Variants in CTNNA3 observed in about 807,000 individuals in gnomAD.
CTNNA3 encodes the protein catenin alpha-3.
CTNNA3 carries 76 observed loss-of-function variants against 95.7 expected under a neutral mutation model. That is an observed-to-expected ratio of 0.79 (90% CI 0.66 to 0.96). The LOEUF (loss-of-function observed/expected upper bound fraction) is 0.96. Ranked by LOEUF, CTNNA3 falls within the 40% of genes least tolerant of loss-of-function variation. The probability of loss-of-function intolerance (pLI) is 0.00; values close to 1 mark genes in which losing one functional copy is unlikely to be tolerated. For synonymous variants in CTNNA3, 431 were observed against 374.4 expected, an observed-to-expected ratio of 1.15 and a Z score of -1.74; for missense variants, 1,191 against 1,089.8, an observed-to-expected ratio of 1.09 and a Z score of -1.31.
At chr10:67,662,339 C>G (rs1840213055) in intron 1 of CTNNA3, among the ~76,000 whole-genome samples, 1 of 152,182 alleles carries the variant, frequency 6.6e-6, no homozygotes, top group South Asian at 2.1e-4. Context: ...CTCACTCATT[C>G]TCTCTCGCAA....
chr10:66,711,641 C>T (rs1392380632), intron 9 of CTNNA3, among the ~76,000 whole-genome samples: 4 of 151,952 alleles, frequency 2.6e-5, no homozygotes, highest in Admixed American at 2.0e-4. Context: ...CTTCACCTCC[C>T]GGGTTCAAGT....
chr10:65,941,837 AT>A (rs1334400036), intron 17 of CTNNA3, among the ~76,000 whole-genome samples: 1 of 151,620 alleles, frequency 6.6e-6, no homozygotes, highest in African/African-American at 2.4e-5. Flanking sequence ...GATGTTTACA[AT>A]TTGCAACAAT....
chr10:66,781,953 C>T (rs867400621), intron 7 of CTNNA3, among the ~76,000 whole-genome samples: 5 of 152,140 alleles, frequency 3.3e-5, no homozygotes, highest in African/African-American at 1.2e-4. Flanking sequence ...TGTCCCATCT[C>T]AGACTTAAGC....
intron 9 of CTNNA3, among the ~76,000 whole-genome samples, chr10:66,737,724 A>T (rs956435558): frequency 6.6e-6 from 1 of 150,614 alleles, no homozygotes; most frequent in East Asian, 1.9e-4. Context: ...CACTGGTGTG[A>T]TCATGGCTCA....
chr10:66,752,312 C>T (rs1187492014), intron 9 of CTNNA3, among the ~76,000 whole-genome samples: 2 of 152,060 alleles, frequency 1.3e-5, no homozygotes, highest in Admixed American at 1.3e-4. Flanking sequence ...AGATATTTCA[C>T]AAAGGTACAA....
chr10:67,289,279 GAAGA>G (rs1839732528), intron 5 of CTNNA3, among the ~76,000 whole-genome samples: 1 of 152,154 alleles, frequency 6.6e-6, no homozygotes. Context: ...TGTAAAAAGA[GAAGA>G]GAGAGGAGAG....
chr10:66,582,002 T>C (rs1353064568), intron 10 of CTNNA3, among the ~76,000 whole-genome samples: 2 of 151,812 alleles, frequency 1.3e-5, no homozygotes, highest in Non-Finnish European at 2.9e-5. Context: ...TTATATTCCA[T>C]TGATCTACTT....
Position 66,523,237 on chromosome 10 carries a change from T to C in CTNNA3, c.1375-2464A>G, listed in dbSNP as rs143577992. ...CGTACACATGTGGTTGTACTGAAAT[T>C]ATGCCTTCACAGCAAAGTATACTTT... On this transcript the variant is annotated intron_variant, in intron 10 of 17. Transcript: ENST00000433211. Among the ~76,000 whole-genome samples the C allele has an allele frequency of 2.6e-4, 40 of 152,322 alleles. No homozygotes were observed. In the East Asian group the frequency reaches 6.6e-3, roughly 25 times the overall value.
chr10:66,549,362 A>T (rs2132102819), intron 10 of CTNNA3, among the ~76,000 whole-genome samples: 1 of 152,234 alleles, frequency 6.6e-6, no homozygotes, highest in South Asian at 2.1e-4. Flanking sequence ...GATTTTTTGT[A>T]ATAACCCCTT....
chr10:66,226,880 G>A (rs1280719564), intron 13 of CTNNA3, among the ~76,000 whole-genome samples: 2 of 151,936 alleles, frequency 1.3e-5, no homozygotes, highest in Non-Finnish European at 2.9e-5. Flanking sequence ...GGTGTATAGA[G>A]AGACTAATTA....
intron 7 of CTNNA3, among the ~76,000 whole-genome samples, chr10:66,905,474 C>G (rs1050907872): frequency 1.3e-5 from 2 of 152,092 alleles, no homozygotes; most frequent in Non-Finnish European, 2.9e-5. Context: ...GCCAATGTAA[C>G]AAACCTACAT....
intron 3 of CTNNA3, among the ~76,000 whole-genome samples, chr10:67,552,753 G>A (rs1044265625): frequency 1.2e-4 from 19 of 152,184 alleles, no homozygotes; most frequent in African/African-American, 3.6e-4. Flanking sequence ...ACTTATATGT[G>A]AGAACATGCA....
intron 7 of CTNNA3, among the ~76,000 whole-genome samples, chr10:66,977,562 C>T (rs1458106217): frequency 6.6e-6 from 1 of 152,184 alleles, no homozygotes; most frequent in East Asian, 1.9e-4. Context: ...CTATGCTTCA[C>T]TGTCACGTGT....
chr10:66,642,579 C>T (rs1385319315), intron 9 of CTNNA3, among the ~76,000 whole-genome samples: 2 of 152,068 alleles, frequency 1.3e-5, no homozygotes, highest in African/African-American at 4.8e-5. Flanking sequence ...TTTACCAGAG[C>T]TTTACTATTC....
In CTNNA3 at chr10:66,069,439, T is replaced by C. The variant is rs763215450; in HGVS notation, c.2028A>G (p.Gln676=). 1.9e-5 allele frequency: 30 copies of C among 1,613,500 alleles called. No individual in the cohort carries two copies. The highest frequency in any genetic ancestry group is 3.3e-5 in the Admixed American group (2 of 59,960). Residue 676 remains glutamine (Q), a synonymous_variant, in exon 15 of 18, where the codon CAA becomes CAG. Transcript: ENST00000433211. ...TCTTTACTTTCTTGAAATCAGCAAC[T>C]TGCTCAGCAATCTTTTCTTTTTCTG... ...PEAEKEKIAE[Q]VADFKKVKSK...
intron 11 of CTNNA3, among the ~76,000 whole-genome samples, chr10:66,515,651 G>A (rs1840824189): frequency 6.6e-6 from 1 of 152,096 alleles, no homozygotes; most frequent in Non-Finnish European, 1.5e-5. Context: ...GGCTAGGGAG[G>A]CCTCAGGAAA....
At chr10:66,528,500 T>C (rs58661125) in intron 10 of CTNNA3, among the ~76,000 whole-genome samples, 6,634 of 152,266 alleles carry the variant, frequency 0.044, 192 homozygotes, top group South Asian at 0.067. Flanking sequence ...ATCTCATTTG[T>C]ACAGACGCCT....
chr10:65,987,006 C>T (rs1589218664), intron 16 of CTNNA3, among the ~76,000 whole-genome samples: 1 of 151,972 alleles, frequency 6.6e-6, no homozygotes, highest in African/African-American at 2.4e-5. Context: ...ATATCTATTG[C>T]AGAAAAATGA....
intron 13 of CTNNA3, among the ~76,000 whole-genome samples, chr10:66,247,199 A>G (rs964858136): frequency 6.6e-6 from 1 of 152,196 alleles, no homozygotes; most frequent in African/African-American, 2.4e-5. Context: ...TCTAAGAGTT[A>G]TCGAGCTAAA....
Sources: gnomAD v4.1 joint callset for allele counts (sites outside exome capture counted in the v4.1 genomes callset) on GRCh38, gnomAD v4.1.1 for gene constraint, MANE v1.5 for transcripts, NCBI Gene and HGNC (gene_info 2026-07-23, HGNC 2026-07-21) for gene names.